Variants in PTPRG observed in about 807,000 individuals in gnomAD.
PTPRG encodes the protein receptor-type tyrosine-protein phosphatase gamma.
A neutral mutation model predicts 165.3 loss-of-function variants in PTPRG; 102 were observed. The ratio of observed to expected loss-of-function variants is 0.62; its 90% CI spans 0.53 to 0.73. The LOEUF is 0.73. PTPRG is among the 30% of genes least tolerant of loss of function. PTPRG has a pLI of 0.00. For synonymous variants in PTPRG, 675 were observed against 669.5 expected, an observed-to-expected ratio of 1.01 and a Z score of -0.13; for missense variants, 1,866 against 1,861.4, an observed-to-expected ratio of 1.00 and a Z score of -0.05.
intron 1 of PTPRG, among the ~76,000 whole-genome samples, chr3:61,624,443 T>C (rs1701550046): frequency 6.6e-6 from 1 of 152,170 alleles, no homozygotes; most frequent in South Asian, 2.1e-4. Flanking sequence ...ATGCTCTTTT[T>C]GATTTTTCAC....
chr3:62,243,751 AT>A, intron 14 of PTPRG, 55 bp from the exon 15 acceptor site: 1 of 1,107,218 alleles, frequency 9.0e-7, no homozygotes, highest in East Asian at 2.4e-5. Flanking sequence ...TTAAAAGAAG[AT>A]GAACTCAAAT....
At chr3:61,624,250 T>C (rs1701543585) in intron 1 of PTPRG, among the ~76,000 whole-genome samples, 1 of 152,108 alleles carries the variant, frequency 6.6e-6, no homozygotes, top group South Asian at 2.1e-4. Context: ...TGGGCCTCTC[T>C]AGATATGCTG....
Position 62,218,838 on chromosome 3 carries a change from T to C in PTPRG, c.2156-13T>C. 1 of 1,611,024 alleles carries C rather than the reference T, an allele frequency of 6.2e-7. No homozygotes were observed. Among genetic ancestry groups the C allele is most frequent in the Non-Finnish European group, 8.5e-7 (1 of 1,178,496 alleles). On this transcript the variant is annotated splice_polypyrimidine_tract_variant and intron_variant, in intron 12 of 29. Transcript: ENST00000474889. ...AACCTCTGTCCTCTAACTGGGATGATTTCTCTTGGCAGCGGAAAAAAACAC... is the reference window on the plus strand; with the variant it reads ...AACCTCTGTCCTCTAACTGGGATGACTTCTCTTGGCAGCGGAAAAAAACAC...
At chr3:61,938,771 T>C (rs4688666) in intron 2 of PTPRG, among the ~76,000 whole-genome samples, 53,926 of 152,094 alleles carry the variant, frequency 0.35, 10,715 homozygotes, top group African/African-American at 0.52. Flanking sequence ...ATAGTTGTCT[T>C]TTTTTCTAGG....
intron 28 of PTPRG, among the ~76,000 whole-genome samples, chr3:62,289,523 C>T (rs946149486): frequency 6.6e-6 from 1 of 151,954 alleles, no homozygotes; most frequent in Non-Finnish European, 1.5e-5. Flanking sequence ...TCTAATAAAA[C>T]CCAGTATATT....
At chr3:62,280,653 G>T (rs555209568) in intron 26 of PTPRG, among the ~76,000 whole-genome samples, 87 of 152,090 alleles carry the variant, frequency 5.7e-4, no homozygotes, top group Admixed American at 1.5e-3. Flanking sequence ...CTGTCTGGAG[G>T]TTTCTAAATA....
chr3:61,876,834 A>AAC (rs201962702), intron 2 of PTPRG, among the ~76,000 whole-genome samples: 1,626 of 152,228 alleles, frequency 0.011, 17 homozygotes, highest in South Asian at 0.031. Context: ...TTTTTTTCCC[A>AAC]ATATATATAC....
At chr3:61,623,158 G>A (rs572435033) in intron 1 of PTPRG, among the ~76,000 whole-genome samples, 1 of 152,214 alleles carries the variant, frequency 6.6e-6, no homozygotes, top group African/African-American at 2.4e-5. Flanking sequence ...AGATTTTTTT[G>A]CTCAGGGTCT....
At chr3:61,928,592 A>C (rs2039283690) in intron 2 of PTPRG, among the ~76,000 whole-genome samples, 1 of 152,170 alleles carries the variant, frequency 6.6e-6, no homozygotes, top group African/African-American at 2.4e-5. Flanking sequence ...AAATTATAGG[A>C]TGCTATTTGG....
At chr3:62,147,891 C>T (rs755280175) in intron 6 of PTPRG, among the ~76,000 whole-genome samples, 5 of 152,130 alleles carry the variant, frequency 3.3e-5, no homozygotes, top group Non-Finnish European at 5.9e-5. Flanking sequence ...CGTGGTGGCT[C>T]ACGCCTGTAA....
At chr3:61,941,126 CTTG>C (rs779069365) in intron 2 of PTPRG, among the ~76,000 whole-genome samples, 9 of 152,216 alleles carry the variant, frequency 5.9e-5, no homozygotes, top group African/African-American at 1.4e-4. Flanking sequence ...ATCTCACAAA[CTTG>C]TTGTGTGGAT....
intron 2 of PTPRG, among the ~76,000 whole-genome samples, chr3:61,841,818 A>AAAAACAAAAAAAAAAAAAAC (rs1297108593): frequency 3.3e-5 from 5 of 151,270 alleles, no homozygotes; most frequent in African/African-American, 9.9e-5. Context: ...TCTCAAAAAC[A>AAAAACAAAAAAAAAAAAAAC]AAAACAAAAA....
chr3:61,572,515 G>C (rs760892473), intron 1 of PTPRG, among the ~76,000 whole-genome samples: 1 of 152,036 alleles, frequency 6.6e-6, no homozygotes, highest in African/African-American at 2.4e-5. Flanking sequence ...TGGCCATACT[G>C]CATTTAAAAG....
intron 4 of PTPRG, among the ~76,000 whole-genome samples, chr3:62,051,894 G>T (rs191334772): frequency 6.6e-6 from 1 of 152,262 alleles, no homozygotes; most frequent in Admixed American, 6.5e-5. Context: ...TCAACATATT[G>T]CAATCAACTG....
chr3:61,833,067 TTGTGTG>T (rs113069211), intron 2 of PTPRG, among the ~76,000 whole-genome samples: 70 of 146,892 alleles, frequency 4.8e-4, no homozygotes, highest in African/African-American at 1.5e-3. Context: ...TAGTATTCCA[TTGTGTG>T]TGTGTGTGTG....
At chr3:62,081,470 A>G (rs954395778) in intron 5 of PTPRG, among the ~76,000 whole-genome samples, 6 of 151,956 alleles carry the variant, frequency 3.9e-5, no homozygotes, top group South Asian at 2.1e-4. Flanking sequence ...CAGCCTCCTG[A>G]GTAGCCGGGA....
chr3:61,819,101 T>A (rs2035880406), intron 2 of PTPRG, among the ~76,000 whole-genome samples: 1 of 152,200 alleles, frequency 6.6e-6, no homozygotes, highest in Non-Finnish European at 1.5e-5. Flanking sequence ...AAACTTTTTT[T>A]TTCTTTGACA....
At position 62,255,760 on chromosome 3, in the gene PTPRG, C is replaced by A. The variant is rs527701569; in HGVS notation, c.2559+545C>A. ...TAAATGATTAACATCTTTAAAAGTG[C>A]CAAGTTCATTGTTAAGAACCATGCA... On this transcript the variant is annotated intron_variant, in intron 16 of 29. Transcript: ENST00000474889. The surrounding 1 kb of genome is among the most constrained non-coding windows in gnomAD (Gnocchi z 4.0). Among the ~76,000 whole-genome samples the A allele has an allele frequency of 1.3e-5, 2 of 152,098 alleles. No individual in the cohort carries two copies. The highest frequency in any genetic ancestry group is 2.1e-4 in the South Asian group (1 of 4,822).
chr3:61,921,478 G>A (rs906272520), intron 2 of PTPRG, among the ~76,000 whole-genome samples: 2 of 152,076 alleles, frequency 1.3e-5, no homozygotes, highest in South Asian at 2.1e-4. Flanking sequence ...CAAAATGTAC[G>A]GCTTTTTGGC....
Sources: allele counts gnomAD v4.1 joint callset (sites outside exome capture counted in the v4.1 genomes callset), GRCh38; gene constraint gnomAD v4.1.1; non-coding constraint Gnocchi (gnomAD v3.1); transcripts MANE v1.5; gene names NCBI Gene and HGNC (gene_info 2026-07-23, HGNC 2026-07-21).